SLC6A16: variants seen among roughly 807,000 people sequenced by gnomAD.
SLC6A16 encodes solute carrier family 6 member 16, also known as orphan sodium- and chloride-dependent neurotransmitter transporter NTT5.
SLC6A16 carries 54 observed loss-of-function variants against 65.4 expected under a neutral mutation model. That is an observed-to-expected ratio of 0.83 (90% CI 0.66 to 1.04). SLC6A16 has a LOEUF of 1.04. SLC6A16 is among the 50% of genes least tolerant of loss of function. The pLI is 0.00. For missense variants in SLC6A16, 816 were observed against 914.0 expected (o/e 0.89, Z 1.38); for synonymous variants, 330 against 346.5 (o/e 0.95, Z 0.53).
At chr19:49,321,110 CA>C (rs998810408) in intron 1 of SLC6A16, among the ~76,000 whole-genome samples, 1 of 151,568 alleles carries the variant, frequency 6.6e-6, no homozygotes, top group African/African-American at 2.4e-5. Flanking sequence ...CAAAAATCCT[CA>C]AAAAAAATAC....
chr19:49,332,401 T>G, the SLC6A16 span: 1 of 393,480 alleles, frequency 2.5e-6, no homozygotes, highest in African/African-American at 2.1e-5. Flanking sequence ...CTAAAAATAC[T>G]AAAATCAGCT....
the SLC6A16 span, chr19:49,339,930 G>T: frequency 7.3e-7 from 1 of 1,369,950 alleles, no homozygotes; most frequent in Non-Finnish European, 9.4e-7. The surrounding 1 kb of genome is among the most constrained non-coding windows in gnomAD (Gnocchi z 4.5). Context: ...CTGGAAGTGC[G>T]GGCGCAGAAT....
chr19:49,334,221 C>T, the SLC6A16 span, among the ~76,000 whole-genome samples: 5 of 152,188 alleles, frequency 3.3e-5, no homozygotes, highest in African/African-American at 1.2e-4. Flanking sequence ...CAGTGGCTCA[C>T]GCCCATAATC....
chr19:49,337,672 A>C, the SLC6A16 span: 1 of 1,523,986 alleles, frequency 6.6e-7, no homozygotes, highest in Non-Finnish European at 8.8e-7. Context: ...AAACAGCTCC[A>C]AAGGGAAACA....
upstream of SLC6A16, among the ~76,000 whole-genome samples, chr19:49,327,637 G>A (rs1010529758): frequency 1.3e-5 from 2 of 152,166 alleles, no homozygotes; most frequent in African/African-American, 4.8e-5. Flanking sequence ...AAGATTTTAC[G>A]TTCCAGTTGC....
At chr19:49,331,328 A>C in the SLC6A16 span, among the ~76,000 whole-genome samples, 1 of 152,076 alleles carries the variant, frequency 6.6e-6, no homozygotes, top group African/African-American at 2.4e-5. Flanking sequence ...CTGTAGGTAC[A>C]TACCACAAAG....
At chr19:49,318,702 C>A (rs115910386) in intron 1 of SLC6A16, among the ~76,000 whole-genome samples, 4,371 of 152,110 alleles carry the variant, frequency 0.029, 201 homozygotes, top group African/African-American at 0.1. Context: ...AGATAGCTAG[C>A]TAGCTAGACA....
chr19:49,328,735 G>A (rs1336942278), upstream of SLC6A16, among the ~76,000 whole-genome samples: 1 of 152,210 alleles, frequency 6.6e-6, no homozygotes, highest in Non-Finnish European at 1.5e-5. Context: ...GGCTTCCAAT[G>A]AACATAAGTA....
At position 49,308,893 on chromosome 19, in the gene SLC6A16, T is replaced by A; in HGVS notation, c.1212A>T (p.Thr404=). The change falls in exon 7 of 12, where the codon ACA becomes ACT. Residue 404 remains threonine, a synonymous_variant. Transcript: ENST00000335875. The part of the protein sequence containing the change: ...CVLGFWATVI[T]HRCCERNAEI... ...GGCCTTACCTCTCACAGCAGCGATG[T>A]GTGATGACTGTCGCCCAGAAGCCCA... The A allele has an allele frequency of 1.2e-6, 2 of 1,614,170 alleles. No homozygotes were observed. Among genetic ancestry groups the A allele is most frequent in the African/African-American group, 1.3e-5 (1 of 75,024 alleles).
chr19:49,326,100 G>A (rs1440400505), upstream of SLC6A16, among the ~76,000 whole-genome samples: 1 of 151,734 alleles, frequency 6.6e-6, no homozygotes, highest in Non-Finnish European at 1.5e-5. Context: ...AACCCAGGAG[G>A]CAGAGGTTGC....
intron 7 of SLC6A16, among the ~76,000 whole-genome samples, chr19:49,299,534 TA>T (rs761974008): frequency 7.4e-4 from 27 of 36,314 alleles, no homozygotes; most frequent in Non-Finnish European, 9.4e-4. Context: ...AGGCTTGGTG[TA>T]AAAAAAAAAA....
the SLC6A16 span, among the ~76,000 whole-genome samples, chr19:49,331,081 T>C: frequency 1.1e-3 from 169 of 152,320 alleles, 5 homozygotes; most frequent in South Asian, 0.034. Flanking sequence ...CTCACAGTTC[T>C]GGATGCCAAA....
chr19:49,340,129 T>A, the SLC6A16 span: 12 of 1,529,770 alleles, frequency 7.8e-6, no homozygotes, highest in Non-Finnish European at 8.9e-6. Flanking sequence ...ACCTATCCCC[T>A]TCTCCAGCCC....
Position 49,311,278 on chromosome 19 carries a change from C to G in SLC6A16, c.70G>C (p.Asp24His). ...CACGTTTGACTTCCTGGGACACTGT[C>G]AGAAATCACTGTGCCAGTCCATGAG... ...NTSWTGTVIS[D>H]SVPGSQTWED... Residue 24 changes from aspartate to histidine, a missense_variant, in exon 2 of 12, where the codon GAC becomes CAC. Transcript: ENST00000335875. 6.2e-7 allele frequency: 1 copy of G among 1,612,952 alleles called. No individual in the cohort carries two copies. The highest frequency in any genetic ancestry group is 8.5e-7 in the Non-Finnish European group (1 of 1,179,530).
intron 7 of SLC6A16, among the ~76,000 whole-genome samples, chr19:49,299,194 C>T (rs949244068): frequency 1.3e-5 from 2 of 149,452 alleles, no homozygotes; most frequent in Non-Finnish European, 3.0e-5. Flanking sequence ...TACAGTGAGC[C>T]GAGATCGCAC....
the SLC6A16 span, chr19:49,338,128 G>A: frequency 6.6e-7 from 1 of 1,515,456 alleles, no homozygotes; most frequent in Non-Finnish European, 8.8e-7. The surrounding 1 kb of genome is among the most constrained non-coding windows in gnomAD (Gnocchi z 5.0). Context: ...CCAGCTCTAC[G>A]ATCCTAACAC....
intron 7 of SLC6A16, among the ~76,000 whole-genome samples, chr19:49,306,665 C>T (rs1970394452): frequency 6.6e-6 from 1 of 151,488 alleles, no homozygotes; most frequent in Admixed American, 6.6e-5. Context: ...GCTTTGGCCT[C>T]CTGAGTAGCT....
At chr19:49,319,533 C>G (rs353982) in intron 1 of SLC6A16, among the ~76,000 whole-genome samples, 4 of 150,144 alleles carry the variant, frequency 2.7e-5, no homozygotes, top group Non-Finnish European at 5.9e-5. Flanking sequence ...ATACATATAC[C>G]TATACGATAT....
rs775468264 is a variant in SLC6A16 at position 49,311,238 on chromosome 19, GA to G, written c.109del (p.Ser37HisfsTer2). Reference sequence around the variant, plus strand: ...CCAAGATGTTGCAGACCGGGTCAATGAACCCTTGTCTTCCCACGTTTGACTT... The same window carrying G: ...CCAAGATGTTGCAGACCGGGTCAATGACCCTTGTCTTCCCACGTTTGACTT... The part of the protein sequence containing the change: ...PGSQTWEDKG[S>X]LTRSATSWTS... On this transcript the variant is annotated frameshift_variant, in exon 2 of 12. Coordinates refer to ENST00000335875, the MANE Select transcript of SLC6A16 (RefSeq NM_014037.3). LOFTEE classifies it high-confidence loss of function. 2 of 1,614,124 alleles carry G rather than the reference GA, an allele frequency of 1.2e-6. No homozygotes were observed. The highest frequency in any genetic ancestry group is 1.1e-5 in the South Asian group (1 of 91,068).
Sources: gnomAD v4.1 joint callset for allele counts (sites outside exome capture counted in the v4.1 genomes callset) on GRCh38, gnomAD v4.1.1 for gene constraint, Gnocchi (gnomAD v3.1) non-coding constraint, MANE v1.5 for transcripts, NCBI Gene and HGNC (gene_info 2026-07-23, HGNC 2026-07-21) for gene names.